ROBO1: variants seen among roughly 807,000 people sequenced by gnomAD.
The protein encoded by ROBO1 is roundabout homolog 1.
ROBO1 carries 149 observed loss-of-function variants against 195.9 expected under a neutral mutation model. That is an observed-to-expected ratio of 0.76 (90% CI 0.67 to 0.87). The LOEUF (loss-of-function observed/expected upper bound fraction) is 0.87. ROBO1 is among the 40% of genes least tolerant of loss of function. ROBO1 has a pLI of 0.00. For synonymous variants in ROBO1, 816 were observed against 733.2 expected, an observed-to-expected ratio of 1.11 and a Z score of -1.82; for missense variants, 1,933 against 2,068.3, an observed-to-expected ratio of 0.93 and a Z score of 1.27.
At chr3:78,882,391 ACC>A (rs1363487364) in intron 4 of ROBO1, among the ~76,000 whole-genome samples, 1 of 152,072 alleles carries the variant, frequency 6.6e-6, no homozygotes, top group Non-Finnish European at 1.5e-5. Flanking sequence ...GACCATGTGA[ACC>A]TCCTGCACTT....
intron 1 of ROBO1, among the ~76,000 whole-genome samples, chr3:79,630,638 G>C (rs1189965047): frequency 6.6e-6 from 1 of 151,902 alleles, no homozygotes; most frequent in Non-Finnish European, 1.5e-5. Flanking sequence ...GGCTTTGACA[G>C]AGCAATCAAG....
At chr3:79,508,947 T>C (rs1940553868) in intron 2 of ROBO1, among the ~76,000 whole-genome samples, 1 of 152,182 alleles carries the variant, frequency 6.6e-6, no homozygotes, top group Admixed American at 6.5e-5. Flanking sequence ...AAAGTATAAG[T>C]CTTATAGAAA....
rs2078439845 is a variant in ROBO1 at position 79,039,405 on chromosome 3, G to A, written c.172+86051C>T. ...TGAATTGTCAACTTGAGTCATCTGT[G>A]GGTCAGGAGATTAGGGAGTATTGTA... On this transcript the variant is annotated intron_variant, in intron 3 of 30. Coordinates refer to ENST00000464233, the MANE Select transcript of ROBO1 (RefSeq NM_002941.4). Among the ~76,000 whole-genome samples, 4 of 152,142 alleles carry A rather than the reference G, an allele frequency of 2.6e-5. No homozygotes were observed. In the South Asian group the frequency reaches 8.3e-4, roughly 32 times the overall value.
At chr3:78,773,763 A>G (rs2083437026) in intron 4 of ROBO1, among the ~76,000 whole-genome samples, 1 of 152,168 alleles carries the variant, frequency 6.6e-6, no homozygotes, top group South Asian at 2.1e-4. Context: ...AGTCTCATAT[A>G]TAGCAAACTG....
In ROBO1 at chr3:79,477,316, A is replaced by G. The variant is rs541147124; in HGVS notation, c.88+112508T>C. 6.6e-5 allele frequency among the ~76,000 whole-genome samples: 10 copies of G among 152,306 alleles called. No individual in the cohort carries two copies. In the South Asian group the frequency reaches 2.1e-3, roughly 32 times the overall value. ...AATCACCCTGAACAGCTTAAAATGG[A>G]CTTAAAAGTATCTAAACATCTCATC... On this transcript the variant is annotated intron_variant, in intron 2 of 30. Transcript: ENST00000464233.
intron 2 of ROBO1, among the ~76,000 whole-genome samples, chr3:79,230,102 T>C (rs1472303371): frequency 6.6e-6 from 1 of 152,068 alleles, no homozygotes; most frequent in African/African-American, 2.4e-5. Flanking sequence ...CATGTTCATT[T>C]TCCCACTCCC....
At chr3:78,645,451 A>AG (rs1483820951) in intron 21 of ROBO1, among the ~76,000 whole-genome samples, 2 of 54,136 alleles carry the variant, frequency 3.7e-5, no homozygotes, top group Non-Finnish European at 6.9e-5. Context: ...ACTGTTTTGG[A>AG]GAAAAAAAAA....
intron 2 of ROBO1, among the ~76,000 whole-genome samples, chr3:79,291,929 T>G: frequency 6.6e-6 from 1 of 152,202 alleles, no homozygotes; most frequent in East Asian, 1.9e-4. Flanking sequence ...TTTGAGAAAT[T>G]AAGACTAGTT....
At chr3:78,612,528 G>A (rs192797020) in intron 28 of ROBO1, among the ~76,000 whole-genome samples, 126 of 152,214 alleles carry the variant, frequency 8.3e-4, no homozygotes, top group African/African-American at 2.6e-3. Flanking sequence ...GCCATCCAGC[G>A]TGTCTGCATT....
At chr3:79,576,210 C>T (rs1429492122) in intron 2 of ROBO1, among the ~76,000 whole-genome samples, 1 of 151,714 alleles carries the variant, frequency 6.6e-6, no homozygotes, top group East Asian at 1.9e-4. Context: ...ATTCATTAAC[C>T]ACATTAAAAT....
intron 3 of ROBO1, among the ~76,000 whole-genome samples, chr3:79,067,575 T>C (rs979405493): frequency 1.3e-5 from 2 of 151,970 alleles, no homozygotes; most frequent in South Asian, 2.1e-4. Context: ...ATGACCAGAT[T>C]ATACCACATA....
At chr3:79,467,923 T>C (rs1938057076) in intron 2 of ROBO1, among the ~76,000 whole-genome samples, 1 of 152,028 alleles carries the variant, frequency 6.6e-6, no homozygotes, top group Admixed American at 6.6e-5. Context: ...AACAGATGAG[T>C]CACACCCCTG....
chr3:79,498,273 G>A (rs1239392212), intron 2 of ROBO1, among the ~76,000 whole-genome samples: 3 of 150,654 alleles, frequency 2.0e-5, no homozygotes, highest in African/African-American at 7.3e-5. Flanking sequence ...GATGTAGATC[G>A]ATTTTCCTAA....
intron 2 of ROBO1, among the ~76,000 whole-genome samples, chr3:79,234,576 GC>G: frequency 6.6e-6 from 1 of 152,036 alleles, no homozygotes; most frequent in Middle Eastern, 3.2e-3. Context: ...CAACCTAGGT[GC>G]CCATTAATGG....
intron 3 of ROBO1, among the ~76,000 whole-genome samples, chr3:78,957,226 T>G (rs866477086): frequency 1.8e-4 from 27 of 151,974 alleles, no homozygotes; most frequent in Middle Eastern, 3.4e-3. Flanking sequence ...TTGCATTCAT[T>G]TATTCACTCG....
At chr3:78,704,661 CAA>C (rs1160098731) in intron 8 of ROBO1, among the ~76,000 whole-genome samples, 5 of 61,672 alleles carry the variant, frequency 8.1e-5, no homozygotes, top group Non-Finnish European at 1.1e-4. Flanking sequence ...CTCATCTCTC[CAA>C]AAAAAAAAAA....
intron 2 of ROBO1, among the ~76,000 whole-genome samples, chr3:79,336,847 G>T (rs1385441897): frequency 6.6e-6 from 1 of 152,226 alleles, no homozygotes; most frequent in Non-Finnish European, 1.5e-5. Context: ...GAGTGGAGCT[G>T]CTCAAGGCTG....
intron 2 of ROBO1, among the ~76,000 whole-genome samples, chr3:79,480,599 T>C (rs1227799007): frequency 1.3e-5 from 2 of 152,154 alleles, no homozygotes. Flanking sequence ...CCAGCAAATA[T>C]ACAAAAGAAT....
intron 2 of ROBO1, among the ~76,000 whole-genome samples, chr3:79,522,054 TAAC>T (rs1280909961): frequency 1.3e-4 from 20 of 152,230 alleles, no homozygotes; most frequent in Non-Finnish European, 7.3e-5. Context: ...ATGAAGTTAA[TAAC>T]AACAAAACAG....
Sources: allele counts gnomAD v4.1 joint callset (sites outside exome capture counted in the v4.1 genomes callset), GRCh38; gene constraint gnomAD v4.1.1; transcripts MANE v1.5; gene names NCBI Gene and HGNC (gene_info 2026-07-23, HGNC 2026-07-21).